Variants in ANGEL1 observed in about 807,000 individuals in gnomAD.
The protein encoded by ANGEL1 is angel homolog 1.
In ANGEL1, 62 loss-of-function variants were observed where a neutral mutation model predicts 76.4. That is an observed-to-expected ratio of 0.81 (90% confidence interval 0.66 to 1.00). The LOEUF (loss-of-function observed/expected upper bound fraction) is 1.00, where lower values mean the gene tolerates loss of function less well. Ranked by LOEUF, ANGEL1 falls within the 50% of genes least tolerant of loss-of-function variation. The probability of loss-of-function intolerance (pLI) is 0.00; values close to 1 mark genes in which losing one functional copy is unlikely to be tolerated. For synonymous variants in ANGEL1, 340 were observed against 331.7 expected, an observed-to-expected ratio of 1.03 and a Z score of -0.27; for missense variants, 737 against 836.7, an observed-to-expected ratio of 0.88 and a Z score of 1.47.
At chr14:76,800,375 T>C (rs1186678470) in intron 7 of ANGEL1, among the ~76,000 whole-genome samples, 2 of 152,248 alleles carry the variant, frequency 1.3e-5, no homozygotes, top group African/African-American at 2.4e-5. Context: ...ATCATTGTTA[T>C]CACTATTGCT....
At chr14:76,790,036 T>C (rs1894356733) in intron 9 of ANGEL1, among the ~76,000 whole-genome samples, 1 of 152,102 alleles carries the variant, frequency 6.6e-6, no homozygotes, top group South Asian at 2.1e-4. Flanking sequence ...GCTAATTTTT[T>C]GTATTTTTAG....
chr14:76,808,166 A>C lies in ANGEL1; in HGVS notation c.650-18T>G, dbSNP rs1389069460. The stretch of plus-strand genomic sequence containing the variant: ...CAAAATTTCTGCAAAGGATTGGGAG[A>C]AGCACTCAATGGCAAGTATGAGTAA... On this transcript the variant is annotated intron_variant, in intron 2 of 9. Transcript: ENST00000251089. 1 of 1,608,250 alleles carries C rather than the reference A, an allele frequency of 6.2e-7. No homozygotes were observed. The highest frequency in any genetic ancestry group is 2.2e-5 in the East Asian group (1 of 44,816).
At position 76,807,949 on chromosome 14, in the gene ANGEL1, C is replaced by T. The variant is rs139731348; in HGVS notation, c.849G>A (p.Met283Ile). The T allele has an allele frequency of 8.2e-5, 132 of 1,614,052 alleles. 1 individual carries two copies. In the East Asian group the frequency reaches 2.9e-3, roughly 35 times the overall value. ...LNWNYRFVNL[M>I]QEFQHWDPDI... ...CAGGGTCCCAGTGCTGGAATTCCTG[C>T]ATGAGGTTCACGAAGCGATAGTTCC... The change falls in exon 3 of 10, where the codon ATG (methionine) becomes ATA (isoleucine). Residue 283 changes from methionine (M) to isoleucine (I), a missense_variant. Around this residue, in one of 2 missense-constraint regions of ANGEL1, gnomAD observed 441 missense variants for 449.5 expected, o/e 0.98. Coordinates refer to ENST00000251089, the MANE Select transcript of ANGEL1 (RefSeq NM_015305.4).
In ANGEL1 at chr14:76,808,066, C is replaced by G; in HGVS notation, c.732G>C (p.Gln244His). 1 of 1,614,122 alleles carries G rather than the reference C, an allele frequency of 6.2e-7. No homozygotes were observed. The highest frequency in any genetic ancestry group is 8.5e-7 in the Non-Finnish European group (1 of 1,180,046). ...GGATGTTATAAGACATCAGAGTGAA[C>G]TGGAACTGAGGGCCATCTCCTGCCT... ...GLKAGDGPQF[Q>H]FTLMSYNILA... The change falls in exon 3 of 10, where the codon CAG becomes CAC. Residue 244 changes from glutamine (Q) to histidine (H), a missense_variant. Gln to His is a conservative substitution (Grantham distance 24, BLOSUM62 0). Around this residue, in one of 2 missense-constraint regions of ANGEL1, gnomAD observed 441 missense variants for 449.5 expected, o/e 0.98. Coordinates refer to ENST00000251089, the MANE Select transcript of ANGEL1 (RefSeq NM_015305.4).
rs563898183 is a variant in ANGEL1 at position 76,788,124 on chromosome 14, A to C, written c.*1104T>G. 21 of 152,416 alleles carry C rather than the reference A, an allele frequency of 1.4e-4. No individual in the cohort carries two copies. Among genetic ancestry groups the C allele is most frequent in the African/African-American group, 4.3e-4 (18 of 41,584 alleles). The allele number at this position is 152,416 out of a possible 1,614,324, so 9.4% of individuals were successfully genotyped here. ...AGGGAAGCGGGAGATGGGAGATAGCAGAAAGTAAAAAGTGGTGGAAGGAGA... is the reference window on the plus strand; with the variant it reads ...AGGGAAGCGGGAGATGGGAGATAGCCGAAAGTAAAAAGTGGTGGAAGGAGA... On this transcript the variant is annotated 3_prime_UTR_variant, in exon 10 of 10. Coordinates refer to ENST00000251089, the MANE Select transcript of ANGEL1 (RefSeq NM_015305.4).
At chr14:76,793,406 A>AGGG (rs1566695806) in intron 7 of ANGEL1, among the ~76,000 whole-genome samples, 1 of 28,906 alleles carries the variant, frequency 3.5e-5, no homozygotes, top group Non-Finnish European at 7.3e-5. Context: ...GGGAGAGGGG[A>AGGG]TAAAAGGAAA....
chr14:76,804,479 A>G (rs879362902), intron 5 of ANGEL1: 14 of 985,966 alleles, frequency 1.4e-5, no homozygotes, highest in African/African-American at 1.7e-5. Flanking sequence ...CACATCTCCA[A>G]CGTGTGTAGC....
intron 5 of ANGEL1, among the ~76,000 whole-genome samples, chr14:76,804,958 C>T (rs1036245297): frequency 2.6e-5 from 4 of 151,538 alleles, no homozygotes; most frequent in Non-Finnish European, 4.4e-5. Context: ...TGCAGTGAGC[C>T]GAGATCGTGC....
intron 6 of ANGEL1, 150 bp downstream of exon 6, chr14:76,803,636 T>G: frequency 7.4e-7 from 1 of 1,357,468 alleles, no homozygotes; most frequent in East Asian, 2.3e-5. Flanking sequence ...GTTGTCCATT[T>G]CATTGGACAG....
chr14:76,791,057 C>T (rs1894391455), intron 8 of ANGEL1, among the ~76,000 whole-genome samples: 1 of 152,180 alleles, frequency 6.6e-6, no homozygotes, highest in Non-Finnish European at 1.5e-5. Flanking sequence ...CAGGCCTCTT[C>T]TGTGAGGCTT....
intron 2 of ANGEL1, 94 bp downstream of exon 2, chr14:76,808,965 G>C: frequency 8.2e-7 from 1 of 1,214,244 alleles, no homozygotes; most frequent in Non-Finnish European, 1.1e-6. Flanking sequence ...CAGTGGCAGA[G>C]CTCCCTACCA....
rs535320224 is a variant in ANGEL1 at position 76,788,712 on chromosome 14, T to A, written c.*516A>T. On this transcript the variant is annotated 3_prime_UTR_variant, in exon 10 of 10. Coordinates refer to ENST00000251089, the MANE Select transcript of ANGEL1 (RefSeq NM_015305.4). The stretch of plus-strand genomic sequence containing the variant: ...CTGCCCCAGGCCTACAGCCCCAACA[T>A]GAAAAGTGGACTGGTCAGAGGCAGG... 71 of 153,686 alleles carry A rather than the reference T, an allele frequency of 4.6e-4. No homozygotes were observed. Among genetic ancestry groups the A allele is most frequent in the Non-Finnish European group, 8.8e-4 (61 of 69,092 alleles). The allele number at this position is 153,686 out of a possible 1,614,324, so 9.5% of individuals were successfully genotyped here.
At chr14:76,812,315 T>C in intron 1 of ANGEL1, 1 of 1,000,476 alleles carries the variant, frequency 1.0e-6, no homozygotes, top group Non-Finnish European at 1.2e-6. Flanking sequence ...CTGGGGAAGA[T>C]CGGTGCGTCC....
intron 7 of ANGEL1, among the ~76,000 whole-genome samples, chr14:76,799,601 G>A (rs147462595): frequency 1.3e-5 from 2 of 152,096 alleles, no homozygotes; most frequent in East Asian, 3.9e-4. Flanking sequence ...CCCATTCATG[G>A]CCCTTTTAAA....
chr14:76,812,717 G>A, intron 1 of ANGEL1, 47 bp downstream of exon 1: 2 of 1,482,224 alleles, frequency 1.3e-6, no homozygotes, highest in Non-Finnish European at 1.8e-6. Context: ...GCCCCGCAGA[G>A]GCGAGCCCTG....
chr14:76,805,470 A>C (rs532623827), intron 5 of ANGEL1, among the ~76,000 whole-genome samples: 2 of 152,374 alleles, frequency 1.3e-5, no homozygotes, highest in East Asian at 3.9e-4. Context: ...GCGCAACAGT[A>C]ATACAATCGT....
chr14:76,808,180 A>C, intron 2 of ANGEL1, 32 bp from the exon 3 acceptor site: 1 of 1,582,314 alleles, frequency 6.3e-7, no homozygotes, highest in Non-Finnish European at 8.7e-7. Context: ...ACTCAATGGC[A>C]AGTATGAGTA....
rs1894283422 is a variant in ANGEL1 at position 76,787,283 on chromosome 14, TTAAA to T, written c.*1941_*1944del. On this transcript the variant is annotated 3_prime_UTR_variant, in exon 10 of 10. Coordinates refer to ENST00000251089, the MANE Select transcript of ANGEL1 (RefSeq NM_015305.4). ...GTAAACCTTTATTTGGAAAAAGAGT[TTAAA>T]TAACAATTTAAAACCCCATTTCACT... 1 of 152,192 alleles carries T rather than the reference TTAAA, an allele frequency of 6.6e-6. No individual in the cohort carries two copies. Among genetic ancestry groups the T allele is most frequent in the African/African-American group, 2.4e-5 (1 of 41,426 alleles). 9.4% of individuals were successfully genotyped at this position (152,192 alleles called of 1,614,324 possible).
rs1169389375 is a variant in ANGEL1 at position 76,789,315 on chromosome 14, C to T, written c.1926G>A (p.Trp642Ter). Reference sequence around the variant, plus strand: ...AGGGGTTGGGTAAGCCATTGGCAGCCCAGAGTATCTCTTCAGAGAGAAGGG... The same window carrying T: ...AGGGGTTGGGTAAGCCATTGGCAGCTCAGAGTATCTCTTCAGAGAGAAGGG... Reference protein sequence around the residue: ...RLSLLSEEILWAANGLPNPFC... With the variant: ...RLSLLSEEIL The change falls in exon 10 of 10, where the codon TGG (tryptophan) becomes TGA (stop). Residue 642 changes from tryptophan (W) to a stop codon, truncating the protein, a stop_gained. Coordinates refer to ENST00000251089, the MANE Select transcript of ANGEL1 (RefSeq NM_015305.4). LOFTEE classifies it high-confidence loss of function. 1.9e-6 allele frequency: 3 copies of T among 1,614,084 alleles called. No homozygotes were observed. Among genetic ancestry groups the T allele is most frequent in the Non-Finnish European group, 2.5e-6 (3 of 1,180,036 alleles).
Sources: gnomAD v4.1 joint callset for allele counts (sites outside exome capture counted in the v4.1 genomes callset) on GRCh38, gnomAD v4.1.1 for gene constraint, gnomAD v4.1.1 regional missense constraint, MANE v1.5 for transcripts, NCBI Gene and HGNC (gene_info 2026-07-23, HGNC 2026-07-21) for gene names.